The following IDI2 variants were observed in gnomAD, a reference collection of about 807,000 sequenced individuals.
IDI2 encodes the protein isopentenyl-diphosphate delta isomerase 2, also known as isopentenyl-diphosphate delta-isomerase 2.
In IDI2, 18 loss-of-function variants were observed where a neutral mutation model predicts 14.8. The ratio of observed to expected loss-of-function variants is 1.22; its 90% CI spans 0.84 to 1.80. IDI2 has a LOEUF of 1.80. Among genes scored for constraint, IDI2 ranks in the 40% most tolerant of loss-of-function variants. The probability of loss-of-function intolerance (pLI) is 0.00; values close to 1 mark genes in which losing one functional copy is unlikely to be tolerated. For missense variants in IDI2, 316 were observed against 283.2 expected, an observed-to-expected ratio of 1.12 and a Z score of -0.83; for synonymous variants, 133 against 109.6, an observed-to-expected ratio of 1.21 and a Z score of -1.33.
chr10:1,024,545 C>A (rs745453849), intron 2 of IDI2, 37 bp downstream of exon 2: 2 of 1,608,362 alleles, frequency 1.2e-6, no homozygotes, highest in Non-Finnish European at 1.7e-6. Context: ...AATGGGAAAA[C>A]CCTGGGAACT....
chr10:1,020,141 A>G (rs1356057563), intron 4 of IDI2, among the ~76,000 whole-genome samples: 3 of 152,170 alleles, frequency 2.0e-5, no homozygotes, highest in African/African-American at 7.2e-5. Flanking sequence ...GAGAACATCC[A>G]TCCTCTCTTA....
chr10:1,024,508 C>T, intron 2 of IDI2, 74 bp downstream of exon 2: 2 of 1,554,252 alleles, frequency 1.3e-6, no homozygotes, highest in South Asian at 1.2e-5. Context: ...CCTAGACTCT[C>T]TTCTTAGGTT....
At chr10:1,025,010 CCACACACACACACACACACACA>C (rs72086728) in intron 1 of IDI2, among the ~76,000 whole-genome samples, 8 of 145,054 alleles carry the variant, frequency 5.5e-5, no homozygotes, top group South Asian at 2.3e-4. Flanking sequence ...CCCCGCCCCA[CCACACACACACACACACACACA>C]CACACACACA....
chr10:1,024,529 G>A, intron 2 of IDI2, 53 bp downstream of exon 2: 2 of 1,597,544 alleles, frequency 1.3e-6, no homozygotes, highest in Non-Finnish European at 1.7e-6. Flanking sequence ...GCCGTCGGGT[G>A]GGAAAAATGG....
chr10:1,021,944 G>T (rs1832110614), intron 3 of IDI2, among the ~76,000 whole-genome samples: 1 of 152,186 alleles, frequency 6.6e-6, no homozygotes, highest in African/African-American at 2.4e-5. Flanking sequence ...GACCACAATT[G>T]ACGTAAATGC....
At chr10:1,019,907 T>G in intron 4 of IDI2, 73 bp from the exon 5 acceptor site, 1 of 1,100,708 alleles carries the variant, frequency 9.1e-7, no homozygotes, top group South Asian at 1.4e-5. Flanking sequence ...ATAGAGAAAA[T>G]AAACACATTT....
intron 4 of IDI2, 130 bp from the exon 5 acceptor site, chr10:1,019,964 A>C: frequency 1.3e-6 from 1 of 776,710 alleles, no homozygotes; most frequent in South Asian, 1.8e-5. Flanking sequence ...GATAATTTCC[A>C]AAACCTCGAT....
In IDI2 at chr10:1,019,742, C is replaced by T. The variant is rs1349948487; in HGVS notation, c.459G>A (p.Leu153=). ...TCAGAGTGACGTTTTTCCTCACAAG[C>T]AGAAGGTAACAAATTTCATGCTCTC... The part of the protein sequence containing the change: ...IWGEHEICYL[L]LVRKNVTLNP... Residue 153 remains leucine, a synonymous_variant, in exon 5 of 5, where the codon CTG becomes CTA. Coordinates refer to ENST00000277517, the MANE Select transcript of IDI2 (RefSeq NM_033261.3). The T allele has an allele frequency of 6.2e-7, 1 of 1,613,940 alleles. No individual in the cohort carries two copies. Among genetic ancestry groups the T allele is most frequent in the Admixed American group, 1.7e-5 (1 of 59,984 alleles).
chr10:1,020,718 G>A, intron 4 of IDI2, 49 bp downstream of exon 4: 4 of 1,548,730 alleles, frequency 2.6e-6, no homozygotes, highest in African/African-American at 2.7e-5. Flanking sequence ...TCTGCCCGCT[G>A]CCAACCTGGA....
intron 3 of IDI2, among the ~76,000 whole-genome samples, chr10:1,021,991 G>A (rs1194271432): frequency 1.3e-5 from 2 of 152,196 alleles, no homozygotes; most frequent in South Asian, 2.1e-4. Flanking sequence ...CGGGCCCGGT[G>A]GCTCACGCCT....
Position 1,019,362 on chromosome 10 carries a change from C to T in IDI2, c.*155G>A. On this transcript the variant is annotated 3_prime_UTR_variant, in exon 5 of 5. Transcript: ENST00000277517. Reference sequence around the variant, plus strand: ...AGGAAAAGGGAAAATGAAGATATGACAAAGTTGATGAAAAGGTTGAAATAG... The same window carrying T: ...AGGAAAAGGGAAAATGAAGATATGATAAAGTTGATGAAAAGGTTGAAATAG... 1.8e-6 allele frequency: 1 copy of T among 569,012 alleles called. No homozygotes were observed. Among genetic ancestry groups the T allele is most frequent in the Non-Finnish European group, 3.1e-6 (1 of 327,024 alleles). The allele number at this position is 569,012 out of a possible 1,614,324, so 35.2% of individuals were successfully genotyped here.
In IDI2 at chr10:1,020,765, A is replaced by G. The variant is rs1832078714; in HGVS notation, c.366+2T>C. ...ACAGCTGAGACTGGATGCTGTGTGT[A>G]CCTGCTCCCCAGGAATTCCCAGCTC... On this transcript the variant is annotated splice_donor_variant, in intron 4 of 4. Transcript: ENST00000277517. LOFTEE classifies it high-confidence loss of function. 6.2e-7 allele frequency: 1 copy of G among 1,610,306 alleles called. No homozygotes were observed. The highest frequency in any genetic ancestry group is 1.3e-5 in the African/African-American group (1 of 74,876).
intron 2 of IDI2, among the ~76,000 whole-genome samples, chr10:1,023,954 G>A (rs943307990): frequency 5.3e-5 from 8 of 152,144 alleles, no homozygotes; most frequent in African/African-American, 1.9e-4. Flanking sequence ...TAATTATTAT[G>A]TGTTTATAAA....
At position 1,019,721 on chromosome 10, in the gene IDI2, A is replaced by C; in HGVS notation, c.480T>G (p.Thr160=). 4.3e-6 allele frequency: 7 copies of C among 1,613,928 alleles called. No homozygotes were observed. Among genetic ancestry groups the C allele is most frequent in the Non-Finnish European group, 5.9e-6 (7 of 1,180,012 alleles). The change falls in exon 5 of 5, where the codon ACT becomes ACG. Residue 160 remains threonine (T), a synonymous_variant. Coordinates refer to ENST00000277517, the MANE Select transcript of IDI2 (RefSeq NM_033261.3). ...TCGTTTCACTGGGATCCGGGTTCAG[A>C]GTGACGTTTTTCCTCACAAGCAGAA... ...CYLLLVRKNV[T]LNPDPSETKS... is the part of the protein sequence containing the mutation.
intron 2 of IDI2, among the ~76,000 whole-genome samples, chr10:1,023,856 G>T (rs1464935333): frequency 6.6e-6 from 1 of 152,198 alleles, no homozygotes; most frequent in Non-Finnish European, 1.5e-5. Context: ...ATGAATGTTT[G>T]AGGTGATGGA....
chr10:1,024,163 A>C (rs758034400), intron 2 of IDI2, among the ~76,000 whole-genome samples: 6 of 152,168 alleles, frequency 3.9e-5, no homozygotes, highest in Non-Finnish European at 7.4e-5. Flanking sequence ...ATTAAAAGTT[A>C]CTAAGAGAAA....
chr10:1,021,672 C>T (rs1832104432), intron 3 of IDI2, among the ~76,000 whole-genome samples: 1 of 152,268 alleles, frequency 6.6e-6, no homozygotes, highest in East Asian at 1.9e-4. Flanking sequence ...TACAGTTGAC[C>T]CTCTTAACTT....
At chr10:1,025,412 A>G (rs990568738) in intron 1 of IDI2, among the ~76,000 whole-genome samples, 12 of 151,960 alleles carry the variant, frequency 7.9e-5, no homozygotes, top group Non-Finnish European at 1.5e-4. Context: ...CTGGTGGCAC[A>G]TGCCTGTATT....
At chr10:1,022,329 G>A (rs1053432553) in intron 3 of IDI2, among the ~76,000 whole-genome samples, 7 of 151,890 alleles carry the variant, frequency 4.6e-5, no homozygotes, top group Non-Finnish European at 1.5e-5. Context: ...AGACCTGTAA[G>A]ATAATTTTTA....
Sources: gnomAD v4.1 joint callset for allele counts (sites outside exome capture counted in the v4.1 genomes callset) on GRCh38, gnomAD v4.1.1 for gene constraint, MANE v1.5 for transcripts, NCBI Gene and HGNC (gene_info 2026-07-23, HGNC 2026-07-21) for gene names.